The following GRIA1 variants were observed in gnomAD, a reference collection of about 807,000 sequenced individuals.
The protein encoded by GRIA1 is glutamate ionotropic receptor AMPA type subunit 1, also known as glutamate receptor 1.
Under a neutral mutation model 99.2 loss-of-function variants are expected in GRIA1, and 31 were observed. The ratio of observed to expected loss-of-function variants is 0.31; its 90% CI spans 0.23 to 0.42. GRIA1 has a LOEUF of 0.42. Ranked by LOEUF, GRIA1 falls within the 10% of genes least tolerant of loss-of-function variation. The pLI, the probability that GRIA1 is intolerant of heterozygous loss-of-function variation, is 1.00. For missense variants in GRIA1, 782 were observed against 1,157.5 expected (o/e 0.68, Z 4.71); for synonymous variants, 438 against 432.4 (o/e 1.01, Z -0.16).
At position 153,603,356 on chromosome 5, in the gene GRIA1, T is replaced by C. The variant is rs1765160782; in HGVS notation, c.221-43572T>C. On this transcript the variant is annotated intron_variant, in intron 2 of 15. Coordinates refer to ENST00000285900, the MANE Select transcript of GRIA1 (RefSeq NM_000827.4). ...ATTTGGGTTGGTTCCAAGTCTTTGC[T>C]ATTGTGAATAGTGCCACAATAAACA... is the stretch of plus-strand genomic sequence containing the variant. 2.7e-5 allele frequency among the ~76,000 whole-genome samples: 4 copies of C among 149,762 alleles called. No individual in the cohort carries two copies. In the South Asian group the frequency reaches 8.5e-4, roughly 32 times the overall value.
At chr5:153,737,164 A>G (rs1270660878) in intron 11 of GRIA1, among the ~76,000 whole-genome samples, 1 of 152,100 alleles carries the variant, frequency 6.6e-6, no homozygotes, top group African/African-American at 2.4e-5. Flanking sequence ...ATCTTATCAT[A>G]GTAATAATCA....
At position 153,587,011 on chromosome 5, in the gene GRIA1, G is replaced by C. The variant is rs191975970; in HGVS notation, c.221-59917G>C. 2.2e-3 allele frequency among the ~76,000 whole-genome samples: 329 copies of C among 152,232 alleles called. 1 individual carries two copies. The highest frequency in any genetic ancestry group is 7.6e-3 in the African/African-American group (315 of 41,540). Reference sequence around the variant, plus strand: ...TAGGTTGAATTGCTCACCCATTTCTGCTTCTGATTCTTTGCCTCCTGCATC... The same window carrying C: ...TAGGTTGAATTGCTCACCCATTTCTCCTTCTGATTCTTTGCCTCCTGCATC... On this transcript the variant is annotated intron_variant, in intron 2 of 15. Coordinates refer to ENST00000285900, the MANE Select transcript of GRIA1 (RefSeq NM_000827.4).
At chr5:153,491,252 A>G in intron 1 of GRIA1, 2 of 1,345,110 alleles carry the variant, frequency 1.5e-6, no homozygotes, top group Non-Finnish European at 1.9e-6. Flanking sequence ...GAGGAAAAAA[A>G]AAATCAGGCT....
intron 2 of GRIA1, among the ~76,000 whole-genome samples, chr5:153,561,396 A>G (rs1348581313): frequency 4.6e-5 from 7 of 152,128 alleles, no homozygotes; most frequent in Admixed American, 6.6e-5. Flanking sequence ...GACAAGCCTG[A>G]CCCAACATAG....
rs373815854 is a variant in GRIA1, at chr5:153,705,906, C to T, written c.1662C>T (p.Leu554=). 3.2e-5 allele frequency: 52 copies of T among 1,613,876 alleles called. No homozygotes were observed. The African/African-American group carries it at 6.4e-4, about 20-fold the overall frequency. Residue 554 remains leucine, a synonymous_variant, in exon 11 of 16, where the codon CTC becomes CTT. Coordinates refer to ENST00000285900, the MANE Select transcript of GRIA1 (RefSeq NM_000827.4). The stretch of plus-strand genomic sequence containing the variant: ...CCTACATTGGAGTGAGTGTTGTCCT[C>T]TTCCTGGTCAGCCGCTTCAGTCCCT... ...VFAYIGVSVV[L]FLVSRFSPYE...
intron 7 of GRIA1, 105 bp from the exon 8 acceptor site, chr5:153,686,120 T>G (rs1757323717): frequency 1.3e-5 from 11 of 833,306 alleles, no homozygotes; most frequent in Non-Finnish European, 1.9e-5. Context: ...CAAGACATCA[T>G]TCCATGGAAC....
chr5:153,735,966 A>G (rs1240341376), intron 11 of GRIA1, among the ~76,000 whole-genome samples: 1 of 152,222 alleles, frequency 6.6e-6, no homozygotes, highest in Non-Finnish European at 1.5e-5. Context: ...GCAATATGGA[A>G]CAGGCTCATG....
At position 153,811,164 on chromosome 5, in the gene GRIA1, T is replaced by G. The variant is rs1044149660; in HGVS notation, c.2660T>G (p.Met887Arg). Residue 887 changes from methionine (M) to arginine (R), a missense_variant, in exon 16 of 16, where the codon ATG becomes AGG. Coordinates refer to ENST00000285900, the MANE Select transcript of GRIA1 (RefSeq NM_000827.4). ...GTCAGCCATGACTTCCCCAAGTCCA[T>G]GCAATCGATTCCTTGCATGAGCCAC... ...RVVSHDFPKS[M>R]QSIPCMSHSS... 4 of 1,614,134 alleles carry G rather than the reference T, an allele frequency of 2.5e-6. No homozygotes were observed. The highest frequency in any genetic ancestry group is 1.7e-5 in the Admixed American group (1 of 60,026).
Position 153,633,618 on chromosome 5 carries a change from C to G in GRIA1, c.221-13310C>G, listed in dbSNP as rs571609749. On this transcript the variant is annotated intron_variant, in intron 2 of 15. Coordinates refer to ENST00000285900, the MANE Select transcript of GRIA1 (RefSeq NM_000827.4). Reference sequence around the variant, plus strand: ...TGCTCTTGGTTGTCATGCCTCCATTCCTCCTTCTGGAAAATAGTAAAGAAG... The same window carrying G: ...TGCTCTTGGTTGTCATGCCTCCATTGCTCCTTCTGGAAAATAGTAAAGAAG... 2.0e-5 allele frequency among the ~76,000 whole-genome samples: 3 copies of G among 152,210 alleles called. No homozygotes were observed. The East Asian group carries it at 5.8e-4, about 29-fold the overall frequency.
chr5:153,705,855 T>C lies in GRIA1; in HGVS notation c.1611T>C (p.Tyr537=). 6.3e-7 allele frequency: 1 copy of C among 1,592,794 alleles called. No individual in the cohort carries two copies. Among genetic ancestry groups the C allele is most frequent in the Non-Finnish European group, 8.6e-7 (1 of 1,161,582 alleles). Residue 537 remains tyrosine, a synonymous_variant, in exon 11 of 16, where the codon TAT becomes TAC. Transcript: ENST00000285900. ...TCTCCTTCCTTGATCCTTTGGCTTA[T>C]GAGATTTGGATGTGCATTGTTTTTG... ...GVFSFLDPLA[Y]EIWMCIVFAY... is the part of the protein sequence containing the mutation.
intron 8 of GRIA1, among the ~76,000 whole-genome samples, chr5:153,688,936 G>A (rs13179613): frequency 0.083 from 12,648 of 152,014 alleles, 743 homozygotes; most frequent in Non-Finnish European, 0.12. Flanking sequence ...TGGCCAGACT[G>A]GTCTCAAACT....
At chr5:153,689,985 G>T (rs1050821206) in intron 8 of GRIA1, among the ~76,000 whole-genome samples, 1 of 152,148 alleles carries the variant, frequency 6.6e-6, no homozygotes, top group Non-Finnish European at 1.5e-5. Flanking sequence ...TCTTCATCAA[G>T]AACTTCTCAG....
intron 5 of GRIA1, among the ~76,000 whole-genome samples, chr5:153,662,716 G>A (rs1369087282): frequency 6.6e-6 from 1 of 152,184 alleles, no homozygotes; most frequent in Non-Finnish European, 1.5e-5. Flanking sequence ...CAGCAAAGCT[G>A]GGCTAGGATT....
intron 2 of GRIA1, among the ~76,000 whole-genome samples, chr5:153,565,281 CT>C (rs1761515348): frequency 6.6e-6 from 1 of 152,096 alleles, no homozygotes; most frequent in African/African-American, 2.4e-5. Flanking sequence ...TGAGACTTAC[CT>C]TTGATCTCCC....
At chr5:153,549,390 T>C (rs926048655) in intron 2 of GRIA1, among the ~76,000 whole-genome samples, 1 of 152,072 alleles carries the variant, frequency 6.6e-6, no homozygotes, top group Non-Finnish European at 1.5e-5. Flanking sequence ...AGGTTAACAG[T>C]CACCACTGGG....
At chr5:153,791,720 A>T (rs1265240879) in intron 13 of GRIA1, among the ~76,000 whole-genome samples, 1 of 152,200 alleles carries the variant, frequency 6.6e-6, no homozygotes, top group Non-Finnish European at 1.5e-5. Context: ...GGCCCACAAT[A>T]GGCCCTCAGT....
At chr5:153,563,821 T>C (rs1443226726) in intron 2 of GRIA1, among the ~76,000 whole-genome samples, 1 of 152,182 alleles carries the variant, frequency 6.6e-6, no homozygotes, top group Non-Finnish European at 1.5e-5. Flanking sequence ...TCATCTCAAA[T>C]TGTTCTCTTT....
At chr5:153,540,726 G>C (rs1489534918) in intron 2 of GRIA1, among the ~76,000 whole-genome samples, 1 of 152,094 alleles carries the variant, frequency 6.6e-6, no homozygotes, top group Non-Finnish European at 1.5e-5. Context: ...GCTTTAGAGG[G>C]AAAGAATAAG....
At chr5:153,507,756 A>G (rs1755678197) in intron 2 of GRIA1, among the ~76,000 whole-genome samples, 2 of 152,214 alleles carry the variant, frequency 1.3e-5, no homozygotes, top group African/African-American at 2.4e-5. Context: ...TCAAAAAAAT[A>G]TCAGTGGCTT....
Sources: gnomAD v4.1 joint callset for allele counts (sites outside exome capture counted in the v4.1 genomes callset) on GRCh38, gnomAD v4.1.1 for gene constraint, MANE v1.5 for transcripts, NCBI Gene and HGNC (gene_info 2026-07-23, HGNC 2026-07-21) for gene names.